Variants in SPTLC3 observed in about 807,000 individuals in gnomAD.
SPTLC3 encodes the protein serine palmitoyltransferase long chain base subunit 3.
In SPTLC3, 36 loss-of-function variants were observed where a neutral mutation model predicts 59.3. That is an observed-to-expected ratio of 0.61 (90% confidence interval 0.47 to 0.80). The LOEUF (loss-of-function observed/expected upper bound fraction) is 0.80, where lower values mean the gene tolerates loss of function less well. Ranked by LOEUF, SPTLC3 falls within the 30% of genes least tolerant of loss-of-function variation. The pLI is 0.00. For synonymous variants in SPTLC3, 257 were observed against 240.8 expected (o/e 1.07, Z -0.62); for missense variants, 625 against 685.1 (o/e 0.91, Z 0.98).
chr20:13,137,595 A>G (rs1203768255), intron 9 of SPTLC3, among the ~76,000 whole-genome samples: 2 of 152,164 alleles, frequency 1.3e-5, no homozygotes, highest in African/African-American at 2.4e-5. Context: ...TGCTGAGAAC[A>G]TCAGAGAGGC....
intron 9 of SPTLC3, among the ~76,000 whole-genome samples, chr20:13,148,936 A>C (rs2038580557): frequency 6.6e-6 from 1 of 152,076 alleles, no homozygotes; most frequent in African/African-American, 2.4e-5. Context: ...TTCCCACATT[A>C]ATTTCTTGAT....
chr20:13,071,929 C>A (rs1274325704), intron 2 of SPTLC3, among the ~76,000 whole-genome samples: 1 of 152,166 alleles, frequency 6.6e-6, no homozygotes, highest in Non-Finnish European at 1.5e-5. Flanking sequence ...TCATCTCAAC[C>A]ATTTTTTTCC....
At chr20:13,137,729 A>C (rs1383993190) in intron 9 of SPTLC3, among the ~76,000 whole-genome samples, 1 of 152,232 alleles carries the variant, frequency 6.6e-6, no homozygotes, top group East Asian at 1.9e-4. Flanking sequence ...AATTGTTCTT[A>C]TCCTCACAAA....
intron 2 of SPTLC3, among the ~76,000 whole-genome samples, chr20:13,053,203 C>T (rs1435909760): frequency 1.3e-5 from 2 of 152,138 alleles, no homozygotes; most frequent in African/African-American, 4.8e-5. Flanking sequence ...AAGGAACAGG[C>T]AGAATATTTC....
chr20:13,067,807 G>C (rs1291060053), intron 2 of SPTLC3, among the ~76,000 whole-genome samples: 1 of 152,122 alleles, frequency 6.6e-6, no homozygotes, highest in Non-Finnish European at 1.5e-5. Context: ...AGAAACAGCT[G>C]GCTCTCAAAA....
chr20:13,132,028 C>G (rs1200033007), intron 9 of SPTLC3, among the ~76,000 whole-genome samples: 1 of 152,080 alleles, frequency 6.6e-6, no homozygotes, highest in African/African-American at 2.4e-5. Context: ...GCTGGTCCCT[C>G]TAAAACTGCT....
At chr20:13,153,063 G>A (rs899520018) in intron 9 of SPTLC3, among the ~76,000 whole-genome samples, 3 of 152,146 alleles carry the variant, frequency 2.0e-5, no homozygotes, top group Admixed American at 6.5e-5. Context: ...CATTCCTGCC[G>A]AACAGCAATC....
chr20:13,051,366 C>T (rs1436579725), intron 2 of SPTLC3, among the ~76,000 whole-genome samples: 1 of 152,188 alleles, frequency 6.6e-6, no homozygotes, highest in African/African-American at 2.4e-5. Flanking sequence ...TGGTAAAAGG[C>T]CTTGTCCAAC....
chr20:13,020,182 G>A (rs1985795201), intron 1 of SPTLC3, among the ~76,000 whole-genome samples: 1 of 152,014 alleles, frequency 6.6e-6, no homozygotes, highest in Non-Finnish European at 1.5e-5. Flanking sequence ...AGTGATTGAG[G>A]CAGCAAGCCC....
intron 1 of SPTLC3, among the ~76,000 whole-genome samples, chr20:13,036,158 A>G (rs181094419): frequency 4.3e-4 from 66 of 152,322 alleles, no homozygotes; most frequent in African/African-American, 1.5e-3. Context: ...TGATTTAAAA[A>G]AAAATACATG....
chr20:13,088,821 A>G (rs1600267244), intron 4 of SPTLC3, among the ~76,000 whole-genome samples: 1 of 122,906 alleles, frequency 8.1e-6, no homozygotes, highest in South Asian at 2.7e-4. Context: ...AGTAGAGATG[A>G]GGTTTCCCCA....
chr20:13,121,493 T>TG (rs2037865384), intron 8 of SPTLC3, among the ~76,000 whole-genome samples: 1 of 152,178 alleles, frequency 6.6e-6, no homozygotes, highest in Non-Finnish European at 1.5e-5. Context: ...AGGCCACCCT[T>TG]GCCCTTGAAC....
chr20:13,039,917 TTATAA>T (rs1986898646), intron 1 of SPTLC3, among the ~76,000 whole-genome samples: 1 of 152,116 alleles, frequency 6.6e-6, no homozygotes, highest in African/African-American at 2.4e-5. Context: ...GCTATTACTG[TTATAA>T]TATGACATCT....
chr20:13,137,153 G>C (rs953732356), intron 9 of SPTLC3, among the ~76,000 whole-genome samples: 2 of 152,164 alleles, frequency 1.3e-5, no homozygotes, highest in Non-Finnish European at 2.9e-5. Flanking sequence ...ATTGCTATCA[G>C]ACCAAGACCT....
chr20:13,138,630 A>C (rs2038308896), intron 9 of SPTLC3, among the ~76,000 whole-genome samples: 1 of 152,186 alleles, frequency 6.6e-6, no homozygotes, highest in African/African-American at 2.4e-5. Context: ...ATTTATAAAC[A>C]ATTAGAATGT....
At chr20:13,027,881 A>G (rs151295770) in intron 1 of SPTLC3, among the ~76,000 whole-genome samples, 90 of 152,246 alleles carry the variant, frequency 5.9e-4, no homozygotes, top group African/African-American at 2.0e-3. Context: ...TCTCTTAAAC[A>G]ATTATTTACC....
chr20:13,118,004 T>A (rs1246775641), intron 8 of SPTLC3, among the ~76,000 whole-genome samples: 1 of 152,150 alleles, frequency 6.6e-6, no homozygotes, highest in Non-Finnish European at 1.5e-5. Context: ...AGAGGAATAA[T>A]TAACTCTGTT....
At chr20:13,119,363 G>A (rs1281304963) in intron 8 of SPTLC3, among the ~76,000 whole-genome samples, 4 of 152,188 alleles carry the variant, frequency 2.6e-5, no homozygotes. Context: ...GCGACTAGCA[G>A]AAGTAAACAC....
At chr20:13,032,133 A>C (rs555856818) in intron 1 of SPTLC3, among the ~76,000 whole-genome samples, 1 of 152,320 alleles carries the variant, frequency 6.6e-6, no homozygotes, top group African/African-American at 2.4e-5. Flanking sequence ...AGAGATATAA[A>C]ACCAATAGTA....
Sources: allele counts gnomAD v4.1 joint callset (sites outside exome capture counted in the v4.1 genomes callset), GRCh38; gene constraint gnomAD v4.1.1; transcripts MANE v1.5; gene names NCBI Gene and HGNC (gene_info 2026-07-23, HGNC 2026-07-21).